F5: variants seen among roughly 807,000 people sequenced by gnomAD.
F5 encodes activated protein c cofactor.
F5 carries 138 observed loss-of-function variants against 216.4 expected under a neutral mutation model. That is an observed-to-expected ratio of 0.64 (90% CI 0.56 to 0.73). The LOEUF is 0.73. Ranked by LOEUF, F5 falls within the 30% of genes least tolerant of loss-of-function variation. The pLI is 0.00. For synonymous variants in F5, 916 were observed against 930.7 expected, an observed-to-expected ratio of 0.98 and a Z score of 0.29; for missense variants, 2,403 against 2,674.0, an observed-to-expected ratio of 0.90 and a Z score of 2.24.
intron 6 of F5, among the ~76,000 whole-genome samples, chr1:169,556,354 A>G (rs1454865671): frequency 7.8e-6 from 1 of 128,362 alleles, no homozygotes; most frequent in Non-Finnish European, 1.6e-5. Context: ...GAATATCTCT[A>G]TGTATGCATT....
chr1:169,552,845 T>C (rs2101827389), intron 7 of F5, 111 bp from the exon 8 acceptor site: 1 of 802,880 alleles, frequency 1.2e-6, no homozygotes, highest in East Asian at 2.5e-5. Context: ...AACATACTAG[T>C]TCTCTAAAAA....
chr1:169,519,070 T>G (rs1310704447), intron 22 of F5, among the ~76,000 whole-genome samples: 5 of 152,236 alleles, frequency 3.3e-5, no homozygotes, highest in African/African-American at 1.2e-4. Flanking sequence ...ATGTACCCTT[T>G]GGAATTTTTC....
intron 24 of F5, among the ~76,000 whole-genome samples, 159 bp from the exon 25 acceptor site, chr1:169,514,618 T>C (rs1397578145): frequency 1.3e-5 from 2 of 152,072 alleles, no homozygotes; most frequent in African/African-American, 4.8e-5. Flanking sequence ...CAAGTAATCC[T>C]CTTGCCTCAG....
chr1:169,539,096 C>T (rs1031364038), intron 13 of F5, among the ~76,000 whole-genome samples: 3 of 152,138 alleles, frequency 2.0e-5, no homozygotes, highest in Admixed American at 6.5e-5. Context: ...AGTTCATTGG[C>T]TCAGTCTAGG....
At chr1:169,553,709 G>C (rs778937944) in intron 7 of F5, among the ~76,000 whole-genome samples, 1 of 152,204 alleles carries the variant, frequency 6.6e-6, no homozygotes, top group Non-Finnish European at 1.5e-5. Flanking sequence ...GCGACAGAGC[G>C]AGACTCCGTC....
At chr1:169,523,654 G>T in intron 20 of F5, 147 bp downstream of exon 20, 1 of 809,036 alleles carries the variant, frequency 1.2e-6, no homozygotes, top group Non-Finnish European at 2.0e-6. Flanking sequence ...TGATTTTAAG[G>T]ATATAAAGTA....
At chr1:169,563,686 CTTTA>C (rs1660534869) in intron 3 of F5, among the ~76,000 whole-genome samples, 1 of 151,692 alleles carries the variant, frequency 6.6e-6, no homozygotes, top group Non-Finnish European at 1.5e-5. Flanking sequence ...CTTTTCTATG[CTTTA>C]TTTTTTACTT....
At chr1:169,516,165 G>A (rs1321358069) in intron 23 of F5, among the ~76,000 whole-genome samples, 6 of 152,124 alleles carry the variant, frequency 3.9e-5, no homozygotes, top group African/African-American at 7.2e-5. Flanking sequence ...TCAAAGAGCA[G>A]AAATAGTTCA....
At chr1:169,518,299 G>GTTT in intron 23 of F5, 113 bp downstream of exon 23, 9 of 1,306,840 alleles carry the variant, frequency 6.9e-6, no homozygotes, top group Non-Finnish European at 9.9e-6. Context: ...ATTTTAATCT[G>GTTT]CAGAAACAGA....
intron 3 of F5, among the ~76,000 whole-genome samples, chr1:169,566,464 C>A (rs563897184): frequency 1.3e-5 from 2 of 151,976 alleles, no homozygotes; most frequent in Non-Finnish European, 2.9e-5. Context: ...CCTTCTTGAT[C>A]TCTGATTGTG....
At chr1:169,539,496 A>T (rs1261548093) in intron 13 of F5, among the ~76,000 whole-genome samples, 1 of 152,024 alleles carries the variant, frequency 6.6e-6, no homozygotes, top group East Asian at 1.9e-4. Context: ...TGAGTGCAAC[A>T]TTTAAATAGG....
Position 169,549,980 on chromosome 1 carries a change from C to G in F5, c.1432G>C (p.Gly478Arg). 1 of 1,614,094 alleles carries G rather than the reference C, an allele frequency of 6.2e-7. No individual in the cohort carries two copies. Among genetic ancestry groups the G allele is most frequent in the East Asian group, 2.2e-5 (1 of 44,874 alleles). ...NNTMIRAVQP[G>R]ETYTYKWNIL... Reference sequence around the variant, plus strand: ...TTCCACTTATAAGTATAGGTTTCCCCTGGTTGAACTGCTCTGATCATGGTG... The same window carrying G: ...TTCCACTTATAAGTATAGGTTTCCCGTGGTTGAACTGCTCTGATCATGGTG... Residue 478 changes from glycine to arginine, a missense_variant, in exon 10 of 25, where the codon GGG (glycine) becomes CGG (arginine). Gly to Arg is a moderately radical substitution (Grantham distance 125, BLOSUM62 -2). This residue lies in a region of F5 where 1,425 missense variants were observed against 1,554.8 expected (regional missense o/e 0.92). Transcript: ENST00000367797.
At chr1:169,527,822 A>T (rs750269437) in intron 17 of F5, 93 bp downstream of exon 17, 4 of 1,489,634 alleles carry the variant, frequency 2.7e-6, no homozygotes, top group Non-Finnish European at 3.7e-6. Context: ...CCCCTTAGGA[A>T]GTATATGCAC....
chr1:169,548,987 G>C (rs1660091360), intron 10 of F5, among the ~76,000 whole-genome samples: 1 of 152,100 alleles, frequency 6.6e-6, no homozygotes, highest in African/African-American at 2.4e-5. Flanking sequence ...GACTGAATAT[G>C]CTCTGAATAA....
chr1:169,513,119 G>T lies in F5; in HGVS notation c.*1194C>A. Among the ~76,000 whole-genome samples the T allele has an allele frequency of 1.3e-5, 2 of 151,360 alleles. No individual in the cohort carries two copies. The highest frequency in any genetic ancestry group is 2.1e-4 in the South Asian group (1 of 4,768). ...CTCAGTTCTAATTTGATTTCTCTGT[G>T]GTCTGAGAGATTGTTATGAATTTCG... On this transcript the variant is annotated 3_prime_UTR_variant, in exon 25 of 25. Transcript: ENST00000367797.
chr1:169,578,884 T>C (rs1368645221), intron 2 of F5, among the ~76,000 whole-genome samples: 1 of 152,220 alleles, frequency 6.6e-6, no homozygotes, highest in African/African-American at 2.4e-5. Context: ...TTCCTGCTTC[T>C]TCTAAGTCTC....
chr1:169,564,370 G>C (rs1660551628), intron 3 of F5, among the ~76,000 whole-genome samples: 1 of 151,956 alleles, frequency 6.6e-6, no homozygotes, highest in Non-Finnish European at 1.5e-5. Context: ...CTAGCCATTT[G>C]AGCTTCTCCG....
chr1:169,516,362 A>C (rs1659154867), intron 23 of F5, among the ~76,000 whole-genome samples: 1 of 152,162 alleles, frequency 6.6e-6, no homozygotes, highest in Non-Finnish European at 1.5e-5. Flanking sequence ...ATCTAAGATA[A>C]ATTTTTACCT....
Position 169,528,078 on chromosome 1 carries a change from G to C in F5, c.5436C>G (p.Ile1812Met). 1.2e-6 allele frequency: 2 copies of C among 1,613,846 alleles called. No homozygotes were observed. The highest frequency in any genetic ancestry group is 8.5e-7 in the Non-Finnish European group (1 of 1,179,802). The change falls in exon 17 of 25, where the codon ATC becomes ATG. Residue 1812 changes from isoleucine to methionine, a missense_variant. This residue lies in a region of F5 where 659 missense variants were observed against 787.9 expected (regional missense o/e 0.84). Transcript: ENST00000367797. ...SHEFHAINGMIYSLPGLKMYE... is the reference protein window; with the variant it reads ...SHEFHAINGMMYSLPGLKMYE... ...ACATTTTCAGGCCAGGCAAGCTGTAGATCATCCCATTAATGGCTGAAAGGA... is the reference window on the plus strand; with the variant it reads ...ACATTTTCAGGCCAGGCAAGCTGTACATCATCCCATTAATGGCTGAAAGGA...
Sources: gnomAD v4.1 joint callset for allele counts (sites outside exome capture counted in the v4.1 genomes callset) on GRCh38, gnomAD v4.1.1 for gene constraint, gnomAD v4.1.1 regional missense constraint, MANE v1.5 for transcripts, NCBI Gene and HGNC (gene_info 2026-07-23, HGNC 2026-07-21) for gene names.